Variants in DHRSX observed in about 807,000 individuals in gnomAD.
The protein encoded by DHRSX is dehydrogenase/reductase X-linked.
DHRSX carries 31 observed loss-of-function variants against 34.0 expected under a neutral mutation model. That is an observed-to-expected ratio of 0.91 (90% confidence interval 0.69 to 1.23). The LOEUF (loss-of-function observed/expected upper bound fraction) is 1.23, where lower values mean the gene tolerates loss of function less well. DHRSX is among the 50% of genes most tolerant of loss of function. DHRSX has a pLI of 0.00. For missense variants in DHRSX, 414 were observed against 428.1 expected, an observed-to-expected ratio of 0.97 and a Z score of 0.29; for synonymous variants, 201 against 183.8, an observed-to-expected ratio of 1.09 and a Z score of -0.76.
chrX:2,488,594 G>C, intron 1 of DHRSX: 1 of 1,542,398 alleles, frequency 6.5e-7, no homozygotes, highest in Non-Finnish European at 8.7e-7. Context: ...GCATCCAATG[G>C]GCTGCTGCGG....
intron 1 of DHRSX, among the ~76,000 whole-genome samples, chrX:2,483,931 G>A (rs1321618200): frequency 1.3e-5 from 2 of 152,038 alleles, no homozygotes; most frequent in African/African-American, 4.8e-5. Context: ...AGTCAACAGA[G>A]CAATAATATT....
chrX:2,490,489 C>G, intron 1 of DHRSX: 1 of 1,614,000 alleles, frequency 6.2e-7, no homozygotes. Flanking sequence ...TCTTGACGAA[C>G]TCGCAGAATT....
chrX:2,496,076 G>C (rs996631943), intron 1 of DHRSX, among the ~76,000 whole-genome samples: 7 of 152,222 alleles, frequency 4.6e-5, no homozygotes, highest in African/African-American at 1.7e-4. Context: ...AGGGTACCAA[G>C]TTTCTGTTCG....
intron 3 of DHRSX, among the ~76,000 whole-genome samples, chrX:2,330,062 C>G (rs62583701): frequency 0.8 from 85,931 of 107,640 alleles, 33,176 homozygotes; most frequent in Middle Eastern, 0.89. Context: ...GAGAGAGAAG[C>G]AGAGAGACGG....
chrX:2,330,967 T>A (rs2042465133), intron 3 of DHRSX, among the ~76,000 whole-genome samples: 1 of 152,006 alleles, frequency 6.6e-6, no homozygotes, highest in African/African-American at 2.4e-5. Flanking sequence ...TTATCACACG[T>A]CCAAGGAGAC....
chrX:2,322,183 C>G (rs1284474949), intron 3 of DHRSX, among the ~76,000 whole-genome samples: 3 of 150,346 alleles, frequency 2.0e-5, no homozygotes, highest in African/African-American at 7.3e-5. Context: ...TTTGTGTCCT[C>G]ATAGCTTAGC....
At chrX:2,282,958 CAG>C (rs1056432521) in intron 4 of DHRSX, among the ~76,000 whole-genome samples, 35 of 147,444 alleles carry the variant, frequency 2.4e-4, no homozygotes, top group Non-Finnish European at 1.6e-4. Context: ...GAGAGAGAGA[CAG>C]AGAGAAAAAG....
chrX:2,246,180 T>C (rs867585141), intron 5 of DHRSX, among the ~76,000 whole-genome samples: 1 of 152,006 alleles, frequency 6.6e-6, no homozygotes, highest in Non-Finnish European at 1.5e-5. Flanking sequence ...ATATTTATGC[T>C]AAAAAACTAA....
At chrX:2,259,428 TTAAAA>T (rs1295770503) in intron 5 of DHRSX, among the ~76,000 whole-genome samples, 1 of 147,390 alleles carries the variant, frequency 6.8e-6, no homozygotes, top group African/African-American at 2.5e-5. Context: ...ATACAATAAA[TTAAAA>T]TAAAAACAAT....
At chrX:2,304,171 T>TGATGGATGGATGGATGGATG (rs1183236164) in intron 3 of DHRSX, among the ~76,000 whole-genome samples, 11 of 72,810 alleles carry the variant, frequency 1.5e-4, no homozygotes, top group African/African-American at 6.9e-4. Context: ...ATGGATGAAC[T>TGATGGATGGATGGATGGATG]GATGGATGGA....
intron 3 of DHRSX, chrX:2,334,539 A>C (rs1359686397): frequency 6.6e-6 from 1 of 152,052 alleles, no homozygotes; most frequent in Non-Finnish European, 1.5e-5. Context: ...CTGCAGCCTC[A>C]AACTCCTGGG....
intron 3 of DHRSX, among the ~76,000 whole-genome samples, chrX:2,299,714 G>C (rs1446986168): frequency 6.6e-6 from 1 of 151,978 alleles, no homozygotes; most frequent in Non-Finnish European, 1.5e-5. Context: ...AATTAGCCAG[G>C]TGTGGTGGTG....
At chrX:2,382,907 C>G (rs1473860183) in intron 3 of DHRSX, among the ~76,000 whole-genome samples, 4 of 151,016 alleles carry the variant, frequency 2.6e-5, no homozygotes, top group Middle Eastern at 3.4e-3. Context: ...TCATCACCAT[C>G]ATTAGCAGCA....
intron 5 of DHRSX, among the ~76,000 whole-genome samples, chrX:2,247,932 A>C (rs2016337173): frequency 6.6e-6 from 1 of 151,480 alleles, no homozygotes; most frequent in Non-Finnish European, 1.5e-5. Flanking sequence ...CCTTTCCCCC[A>C]AGGCCAGCCA....
chrX:2,452,731 T>C (rs778966926), intron 1 of DHRSX, among the ~76,000 whole-genome samples: 14 of 151,926 alleles, frequency 9.2e-5, no homozygotes, highest in African/African-American at 3.4e-4. Flanking sequence ...CCTGAGCATG[T>C]GGCCAAGGGA....
intron 4 of DHRSX, among the ~76,000 whole-genome samples, chrX:2,267,857 G>A (rs952493873): frequency 5.9e-5 from 9 of 152,100 alleles, no homozygotes; most frequent in African/African-American, 1.9e-4. Flanking sequence ...TGAGGCGGGA[G>A]GATTGTTTGA....
Position 2,371,404 on chromosome X carries a change from A to G in DHRSX, c.286+37341T>C, listed in dbSNP as rs61669417. Among the ~76,000 whole-genome samples the G allele has an allele frequency of 7.7e-5, 11 of 142,700 alleles. No individual in the cohort carries two copies. The South Asian group carries it at 8.8e-4, about 11-fold the overall frequency. The allele number at this position is 142,700 out of a possible 152,430, so 93.6% of individuals were successfully genotyped here. A position where few individuals can be genotyped will look rare whatever the true frequency, so the allele number is the denominator to read the frequency against. ...CGTTACCACAGTCCCCCCTTCTCACATTACCATAGTCCCTCCTTCTGTTAC... is the reference window on the plus strand; with the variant it reads ...CGTTACCACAGTCCCCCCTTCTCACGTTACCATAGTCCCTCCTTCTGTTAC... On this transcript the variant is annotated intron_variant, in intron 3 of 6. Transcript: ENST00000334651.
chrX:2,485,854 GAA>G (rs1491275733), intron 1 of DHRSX, among the ~76,000 whole-genome samples: 5 of 111,836 alleles, frequency 4.5e-5, no homozygotes, highest in Non-Finnish European at 9.1e-5. Flanking sequence ...GGGAGAGAAA[GAA>G]AGAAGGGAAG....
chrX:2,381,839 G>T (rs2043207623), intron 3 of DHRSX, among the ~76,000 whole-genome samples: 1 of 149,002 alleles, frequency 6.7e-6, no homozygotes, highest in Admixed American at 6.7e-5. Flanking sequence ...CACACATGAG[G>T]TGAGAAGGAT....
Sources: gnomAD v4.1 joint callset for allele counts (sites outside exome capture counted in the v4.1 genomes callset) on GRCh38, gnomAD v4.1.1 for gene constraint, MANE v1.5 for transcripts, NCBI Gene and HGNC (gene_info 2026-07-23, HGNC 2026-07-21) for gene names.